SGCZ: variants seen among roughly 807,000 people sequenced by gnomAD.
SGCZ encodes zeta-sarcoglycan.
A neutral mutation model predicts 41.3 loss-of-function variants in SGCZ; 40 were observed. The observed-to-expected ratio is 0.97, with a 90% CI of 0.75 to 1.26. The LOEUF (loss-of-function observed/expected upper bound fraction) is 1.26, where lower values mean the gene tolerates loss of function less well. Ranked by LOEUF, SGCZ falls within the 50% of genes most tolerant of loss-of-function variation. The pLI is 0.00. For missense variants in SGCZ, 552 were observed against 369.8 expected, an observed-to-expected ratio of 1.49 and a Z score of -4.04; for synonymous variants, 206 against 137.5, an observed-to-expected ratio of 1.50 and a Z score of -3.49.
intron 1 of SGCZ, among the ~76,000 whole-genome samples, chr8:14,891,466 A>C (rs1313693668): frequency 2.0e-5 from 3 of 152,228 alleles, no homozygotes; most frequent in African/African-American, 4.8e-5. Flanking sequence ...GATGTGACTG[A>C]ATTGCTACAG....
intron 1 of SGCZ, among the ~76,000 whole-genome samples, chr8:14,941,359 C>T (rs1290237894): frequency 6.6e-6 from 1 of 152,028 alleles, no homozygotes; most frequent in Non-Finnish European, 1.5e-5. Context: ...TCAATGTTTA[C>T]CACAAGGAAA....
At chr8:14,172,450 CT>C (rs1312426605) in intron 4 of SGCZ, among the ~76,000 whole-genome samples, 1 of 152,150 alleles carries the variant, frequency 6.6e-6, no homozygotes, top group African/African-American at 2.4e-5. Context: ...AATAATCCCA[CT>C]GCTAAACTGA....
At chr8:14,860,466 A>G (rs1803688899) in intron 1 of SGCZ, among the ~76,000 whole-genome samples, 2 of 150,760 alleles carry the variant, frequency 1.3e-5, no homozygotes, top group South Asian at 4.2e-4. Flanking sequence ...GAAAGAGAAG[A>G]GAGTGAGAGA....
intron 1 of SGCZ, among the ~76,000 whole-genome samples, chr8:14,789,861 A>G (rs989125829): frequency 6.6e-6 from 1 of 152,144 alleles, no homozygotes; most frequent in Non-Finnish European, 1.5e-5. Flanking sequence ...ACTTCCATGT[A>G]TGTGTATTCC....
chr8:15,169,351 A>AG (rs1342988672), intron 1 of SGCZ, among the ~76,000 whole-genome samples: 1 of 152,176 alleles, frequency 6.6e-6, no homozygotes, highest in Admixed American at 6.5e-5. Context: ...GGACGTTTGC[A>AG]GGGGGAGGAG....
chr8:14,989,474 A>G (rs146711831), intron 1 of SGCZ, among the ~76,000 whole-genome samples: 1 of 152,264 alleles, frequency 6.6e-6, no homozygotes, highest in Non-Finnish European at 1.5e-5. Context: ...TGATAAAGCA[A>G]GACCAGTCCT....
At chr8:15,067,063 T>C (rs1286402878) in intron 1 of SGCZ, among the ~76,000 whole-genome samples, 1 of 152,238 alleles carries the variant, frequency 6.6e-6, no homozygotes, top group African/African-American at 2.4e-5. Flanking sequence ...ACATCACAAT[T>C]AAACTTTTAA....
At chr8:14,752,165 T>A (rs1799522037) in intron 1 of SGCZ, among the ~76,000 whole-genome samples, 1 of 149,292 alleles carries the variant, frequency 6.7e-6, no homozygotes, top group African/African-American at 2.5e-5. Context: ...ATACCCTTCC[T>A]CTGGACTTTA....
chr8:14,123,168 T>C (rs1039002422), intron 5 of SGCZ, among the ~76,000 whole-genome samples: 7 of 152,210 alleles, frequency 4.6e-5, no homozygotes, highest in Non-Finnish European at 7.4e-5. Context: ...GATTCCAAGA[T>C]ATTTATTTCA....
intron 2 of SGCZ, among the ~76,000 whole-genome samples, chr8:14,533,747 C>T (rs949696855): frequency 6.6e-6 from 1 of 151,854 alleles, no homozygotes; most frequent in African/African-American, 2.4e-5. Context: ...AGTTTAAACA[C>T]CATTAACCAA....
At position 14,287,085 on chromosome 8, in the gene SGCZ, A is replaced by G. The variant is rs140033625; in HGVS notation, c.336+37018T>C. ...AGTATTTATGCTTTCTTACAAATAC[A>G]TAAGTAATTGTCACATAAGTATATA... On this transcript the variant is annotated intron_variant, in intron 3 of 7. Coordinates refer to ENST00000382080, the MANE Select transcript of SGCZ (RefSeq NM_139167.4). Among the ~76,000 whole-genome samples the G allele has an allele frequency of 5.5e-3, 834 of 152,058 alleles. 9 individuals carry two copies. Among genetic ancestry groups the G allele is most frequent in the African/African-American group, 0.019 (788 of 41,532 alleles).
At chr8:14,675,069 G>C (rs1418436128) in intron 1 of SGCZ, among the ~76,000 whole-genome samples, 2 of 148,752 alleles carry the variant, frequency 1.3e-5, no homozygotes, top group Non-Finnish European at 3.0e-5. Flanking sequence ...CTCAGGAGTT[G>C]CTGGGACTAT....
At chr8:14,390,182 A>G (rs1804718588) in intron 2 of SGCZ, among the ~76,000 whole-genome samples, 1 of 152,036 alleles carries the variant, frequency 6.6e-6, no homozygotes. Flanking sequence ...TCATATTAAT[A>G]AAATTGATGC....
At chr8:14,252,194 T>C (rs763244820) in intron 3 of SGCZ, among the ~76,000 whole-genome samples, 16 of 152,152 alleles carry the variant, frequency 1.1e-4, no homozygotes, top group Non-Finnish European at 2.9e-5. Context: ...TGTCTCTCTG[T>C]GATACATGCT....
chr8:14,606,286 T>C (rs1805746147), intron 1 of SGCZ, among the ~76,000 whole-genome samples: 1 of 152,146 alleles, frequency 6.6e-6, no homozygotes, highest in Non-Finnish European at 1.5e-5. Context: ...CTTTCTTGCT[T>C]CATATTCACT....
At chr8:15,053,444 C>T (rs1342329689) in intron 1 of SGCZ, among the ~76,000 whole-genome samples, 1 of 152,130 alleles carries the variant, frequency 6.6e-6, no homozygotes, top group Non-Finnish European at 1.5e-5. Context: ...AGGTCTGTTC[C>T]ATGTTACCTC....
At chr8:14,952,647 G>A (rs933632751) in intron 1 of SGCZ, among the ~76,000 whole-genome samples, 1 of 152,154 alleles carries the variant, frequency 6.6e-6, no homozygotes, top group Non-Finnish European at 1.5e-5. Context: ...ATGGTTTATA[G>A]CCCTCAGGAG....
chr8:14,119,464 C>G (rs1358338234), intron 5 of SGCZ, among the ~76,000 whole-genome samples: 1 of 151,982 alleles, frequency 6.6e-6, no homozygotes, highest in Non-Finnish European at 1.5e-5. Context: ...ATTTTGGGCT[C>G]AGACAGTGGG....
At chr8:14,605,752 G>A (rs556771723) in intron 1 of SGCZ, among the ~76,000 whole-genome samples, 1 of 152,264 alleles carries the variant, frequency 6.6e-6, no homozygotes, top group Admixed American at 6.5e-5. Context: ...ATTAGAAACT[G>A]TGTAATGTGA....
Sources: gnomAD v4.1 joint callset for allele counts (sites outside exome capture counted in the v4.1 genomes callset) on GRCh38, gnomAD v4.1.1 for gene constraint, MANE v1.5 for transcripts, NCBI Gene and HGNC (gene_info 2026-07-23, HGNC 2026-07-21) for gene names.